The following OFD1 variants were observed in gnomAD, a reference collection of about 807,000 sequenced individuals.
The protein encoded by OFD1 is centriole and centriolar satellite protein OFD1.
In OFD1, 12 loss-of-function variants were observed where a neutral mutation model predicts 81.4. The observed-to-expected ratio is 0.15, with a 90% CI of 0.09 to 0.24. The LOEUF (loss-of-function observed/expected upper bound fraction) is 0.24, where lower values mean the gene tolerates loss of function less well. Among genes scored for constraint, OFD1 ranks in the 10% least tolerant of loss-of-function variants. The probability of loss-of-function intolerance (pLI) is 1.00; values close to 1 mark genes in which losing one functional copy is unlikely to be tolerated. For synonymous variants in OFD1, 256 were observed against 263.7 expected (o/e 0.97, Z 0.28); for missense variants, 685 against 733.9 (o/e 0.93, Z 0.77).
intron 18 of OFD1, 27 bp from the exon 19 acceptor site, chrX:13,763,718 C>T: frequency 2.7e-6 from 3 of 1,124,338 alleles, no homozygotes; most frequent in Non-Finnish European, 3.7e-6. Flanking sequence ...TTATTAAGGA[C>T]TCATGGGACA....
At chrX:13,772,871 T>C (rs1189054077), downstream of OFD1, 14 of 1,208,574 alleles carry the variant, frequency 1.2e-5, no homozygotes, top group East Asian at 3.0e-5. Flanking sequence ...CGAAACACTC[T>C]GGCAAACATT....
At chrX:13,743,252 AAC>A (rs982989440) in intron 5 of OFD1, among the ~76,000 whole-genome samples, 6 of 112,588 alleles carry the variant, frequency 5.3e-5, no homozygotes, top group Non-Finnish European at 3.8e-5. Context: ...TTGTAATTAA[AAC>A]ACAATCAATT....
the OFD1 span, among the ~76,000 whole-genome samples, chrX:13,724,397 A>AT: frequency 1.0e-5 from 1 of 98,417 alleles, no homozygotes; most frequent in Non-Finnish European, 2.0e-5. Flanking sequence ...TGTAATATAT[A>AT]TTTAAAAAAA....
rs369681077 is a variant in OFD1 at position 13,768,758 on chromosome X, C to T, written c.2969C>T (p.Thr990Met). The T allele has an allele frequency of 6.6e-6, 8 of 1,207,509 alleles. No homozygotes were observed. The African/African-American group carries it at 7.0e-5, about 11-fold the overall frequency. Reference sequence around the variant, plus strand: ...GTCCAAGAAGGCTCCCTAGTGGACACGCTGCAATCTAGTGACAAAGTCGAA... The same window carrying T: ...GTCCAAGAAGGCTCCCTAGTGGACATGCTGCAATCTAGTGACAAAGTCGAA... ...KMVQEGSLVD[T>M]LQSSDKVESL... The change falls in exon 22 of 23, where the codon ACG becomes ATG. Residue 990 changes from threonine (T) to methionine (M), a missense_variant. Thr to Met is a moderately conservative substitution (Grantham distance 81). Coordinates refer to ENST00000340096, the MANE Select transcript of OFD1 (RefSeq NM_003611.3).
intron 6 of OFD1, among the ~76,000 whole-genome samples, chrX:13,745,434 G>A (rs939535533): frequency 8.9e-6 from 1 of 112,131 alleles, no homozygotes; most frequent in Non-Finnish European, 1.9e-5. Context: ...TTTTTGCACT[G>A]TCTTTGAAAT....
the OFD1 span, chrX:13,716,218 G>T: frequency 4.0e-6 from 3 of 759,349 alleles, no homozygotes; most frequent in Non-Finnish European, 5.6e-6. Context: ...TATAAACTGG[G>T]TTTAAAATTA....
At chrX:13,756,486 G>A in intron 12 of OFD1, 92 bp from the exon 13 acceptor site, 1 of 657,989 alleles carries the variant, frequency 1.5e-6, no homozygotes, top group South Asian at 2.6e-5. Context: ...TAATTAAATT[G>A]TGACACCATG....
upstream of OFD1, chrX:13,734,305 CTGAA>C: frequency 2.8e-6 from 1 of 351,578 alleles, no homozygotes; most frequent in Admixed American, 4.9e-5. Context: ...CCTGGGTTAG[CTGAA>C]TGACCCAGTG....
chrX:13,734,946 T>C lies in OFD1; in HGVS notation c.-126T>C, dbSNP rs913536968. ...CAGCACCTTTGTTCCTCCCGAACCC[T>C]CGGGACAGAGGCAGGGTTCTGAGGG... On this transcript the variant is annotated 5_prime_UTR_variant, in exon 1 of 23. Coordinates refer to ENST00000340096, the MANE Select transcript of OFD1 (RefSeq NM_003611.3). 7 of 1,127,171 alleles carry C rather than the reference T, an allele frequency of 6.2e-6. No individual in the cohort carries two copies. The African/African-American group carries it at 1.3e-4, about 21-fold the overall frequency. The allele number at this position is 1,127,171 out of a possible 1,213,427, so 92.9% of individuals were successfully genotyped here. A position where few individuals can be genotyped will look rare whatever the true frequency, so the allele number is the denominator to read the frequency against.
In OFD1 at chrX:13,761,186, T is replaced by C. The variant is rs1458454944; in HGVS notation, c.2362T>C (p.Ser788Pro). 2.5e-6 allele frequency: 3 copies of C among 1,210,951 alleles called. No homozygotes were observed. Among genetic ancestry groups the C allele is most frequent in the Non-Finnish European group, 3.4e-6 (3 of 895,082 alleles). Reference protein sequence around the residue: ...SRHSLSIPPVSSPPEQKVGLY... With the variant: ...SRHSLSIPPVPSPPEQKVGLY... ...GCACAGCCTCTCCATCCCTCCTGTC[T>C]CCAGCCCTCCGGAGCAGAAAGTGGG... The change falls in exon 17 of 23, where the codon TCC becomes CCC. Residue 788 changes from serine to proline, a missense_variant. By Grantham distance (74) the Ser-to-Pro change is moderately conservative. Coordinates refer to ENST00000340096, the MANE Select transcript of OFD1 (RefSeq NM_003611.3).
intron 20 of OFD1, among the ~76,000 whole-genome samples, chrX:13,767,547 A>G (rs2048178447): frequency 8.9e-6 from 1 of 112,416 alleles, no homozygotes; most frequent in Non-Finnish European, 1.9e-5. Flanking sequence ...AAGCCTGTAA[A>G]AAAGGTAGAC....
At chrX:13,755,367 G>T (rs2047662084) in intron 12 of OFD1, 125 bp downstream of exon 12, 1 of 506,904 alleles carries the variant, frequency 2.0e-6, no homozygotes, top group Admixed American at 2.9e-5. Flanking sequence ...GGCTAAGAAG[G>T]TGTTAGCTGA....
rs182964651 is a variant in OFD1 at position 13,737,295 on chromosome X, C to T, written c.312+617C>T. On this transcript the variant is annotated intron_variant, in intron 3 of 22. Coordinates refer to ENST00000340096, the MANE Select transcript of OFD1 (RefSeq NM_003611.3). ...TTTTCTAATTATTTTAACTATATTT[C>T]TTCACCATTACTGTTGAACATTAGT... Among the ~76,000 whole-genome samples, 701 of 106,134 alleles carry T rather than the reference C, an allele frequency of 6.6e-3. 4 individuals are homozygous for T. The highest frequency in any genetic ancestry group is 0.023 in the African/African-American group (673 of 28,954). The allele number at this position is 106,134 out of a possible 115,157, so 92.2% of individuals were successfully genotyped here.
At chrX:13,752,928 C>CT in intron 10 of OFD1, 1 of 910,539 alleles carries the variant, frequency 1.1e-6, no homozygotes, top group Non-Finnish European at 1.4e-6. Context: ...CAGGACTGTG[C>CT]TTAGTCCCTG....
the OFD1 span, among the ~76,000 whole-genome samples, chrX:13,725,795 A>G: frequency 2.7e-5 from 3 of 112,281 alleles, no homozygotes; most frequent in African/African-American, 9.7e-5. Flanking sequence ...AAAGGTCGGT[A>G]ATAACAAACT....
intron 10 of OFD1, among the ~76,000 whole-genome samples, chrX:13,751,966 T>C (rs1487249681): frequency 1.8e-5 from 2 of 112,544 alleles, no homozygotes; most frequent in Non-Finnish European, 3.8e-5. Flanking sequence ...GCTTGCATAG[T>C]TGATAAGCTG....
chrX:13,770,827 TCA>T (rs1352452983), downstream of OFD1, among the ~76,000 whole-genome samples: 30 of 112,476 alleles, frequency 2.7e-4, no homozygotes, highest in Non-Finnish European at 5.6e-5. Flanking sequence ...CAATTAGCAC[TCA>T]CAGATTTGAT....
the OFD1 span, among the ~76,000 whole-genome samples, chrX:13,722,664 GACAC>G: frequency 8.9e-6 from 1 of 111,948 alleles, no homozygotes; most frequent in Non-Finnish European, 1.9e-5. Context: ...GCAAAGGTAA[GACAC>G]ACGCTAGGAT....
intron 10 of OFD1, among the ~76,000 whole-genome samples, chrX:13,751,876 C>T (rs998868777): frequency 2.7e-5 from 3 of 112,259 alleles, no homozygotes; most frequent in African/African-American, 9.7e-5. Flanking sequence ...AGCACATCCT[C>T]TGCGCTTCTT....
Sources: gnomAD v4.1 joint callset for allele counts (sites outside exome capture counted in the v4.1 genomes callset) on GRCh38, gnomAD v4.1.1 for gene constraint, MANE v1.5 for transcripts, NCBI Gene and HGNC (gene_info 2026-07-23, HGNC 2026-07-21) for gene names.